FNBP1: variants seen among roughly 807,000 people sequenced by gnomAD.
FNBP1 encodes formin-binding protein 1.
Under a neutral mutation model 90.6 loss-of-function variants are expected in FNBP1, and 26 were observed. That is an observed-to-expected ratio of 0.29 (90% confidence interval 0.21 to 0.40). The LOEUF (loss-of-function observed/expected upper bound fraction) is 0.40. Ranked by LOEUF, FNBP1 falls within the 10% of genes least tolerant of loss-of-function variation. FNBP1 has a pLI of 1.00. For missense variants in FNBP1, 635 were observed against 768.0 expected (o/e 0.83, Z 2.05); for synonymous variants, 260 against 265.2 (o/e 0.98, Z 0.19).
At chr9:130,053,682 T>C in the FNBP1 span, 1 of 548,152 alleles carries the variant, frequency 1.8e-6, no homozygotes, top group Non-Finnish European at 3.2e-6. Context: ...TCGGCCACCG[T>C]TGTTATGGCA....
At chr9:129,951,209 G>A (rs974031719) in intron 6 of FNBP1, among the ~76,000 whole-genome samples, 3 of 151,580 alleles carry the variant, frequency 2.0e-5, no homozygotes, top group Non-Finnish European at 2.9e-5. Flanking sequence ...CACCTGCCTC[G>A]GCCTCCCATA....
At chr9:129,997,808 T>G (rs2054227000) in intron 1 of FNBP1, among the ~76,000 whole-genome samples, 1 of 152,096 alleles carries the variant, frequency 6.6e-6, no homozygotes, top group African/African-American at 2.4e-5. Context: ...ATGATCAGGC[T>G]ACTGCACTCC....
At chr9:129,921,970 G>A (rs2041182895) in intron 10 of FNBP1, among the ~76,000 whole-genome samples, 1 of 152,092 alleles carries the variant, frequency 6.6e-6, no homozygotes, top group Non-Finnish European at 1.5e-5. Context: ...CAGTTGACTG[G>A]AGAGTCCAGG....
At chr9:129,921,433 G>A (rs374898734) in intron 10 of FNBP1, among the ~76,000 whole-genome samples, 3 of 150,038 alleles carry the variant, frequency 2.0e-5, no homozygotes, top group Admixed American at 6.7e-5. Context: ...TTGCTCTGTC[G>A]TCCAGGCTGG....
rs764635171 is a variant in FNBP1, at chr9:129,900,044, G to A, written c.1608C>T (p.Ala536=). Residue 536 remains alanine (A), a synonymous_variant, in exon 15 of 17, where the codon GCC becomes GCT. Coordinates refer to ENST00000446176, the MANE Select transcript of FNBP1 (RefSeq NM_015033.3). The surrounding 1 kb of genome is among the most constrained non-coding windows in gnomAD (Gnocchi z 4.1). The part of the protein sequence containing the change: ...QSQESEMKVL[A]TDFDDEFDDE... ...CATCAAACTCGTCGTCAAAATCCGT[G>A]GCCAGCACCTTCATCTCACTCTCCT... is the stretch of plus-strand genomic sequence containing the variant. 1.9e-6 allele frequency: 3 copies of A among 1,613,344 alleles called. No individual in the cohort carries two copies. Among genetic ancestry groups the A allele is most frequent in the South Asian group, 1.1e-5 (1 of 91,030 alleles).
At chr9:129,949,684 A>C (rs921042796) in intron 6 of FNBP1, among the ~76,000 whole-genome samples, 1 of 151,986 alleles carries the variant, frequency 6.6e-6, no homozygotes, top group African/African-American at 2.4e-5. Flanking sequence ...AACATAGCAA[A>C]ACCTCGATCA....
chr9:129,988,832 G>A (rs2131159677), intron 2 of FNBP1, among the ~76,000 whole-genome samples: 2 of 152,214 alleles, frequency 1.3e-5, no homozygotes, highest in South Asian at 4.1e-4. Context: ...GGATGGATTT[G>A]GCCCATGCTA....
chr9:129,943,384 CTTTTTTTTT>C (rs11415197), intron 6 of FNBP1, among the ~76,000 whole-genome samples: 3 of 102,664 alleles, frequency 2.9e-5, no homozygotes, highest in Non-Finnish European at 5.4e-5. Context: ...TCATTAATTG[CTTTTTTTTT>C]TTTTTTTTTT....
chr9:129,917,019 CTT>C (rs905032993), intron 10 of FNBP1, among the ~76,000 whole-genome samples: 2 of 145,118 alleles, frequency 1.4e-5, no homozygotes, highest in Non-Finnish European at 1.5e-5. Context: ...TGTGACTGCT[CTT>C]TTTTTTTTTG....
In FNBP1 at chr9:129,949,689, C is replaced by T. The variant is rs184596567; in HGVS notation, c.513+7671G>A. Among the ~76,000 whole-genome samples the T allele has an allele frequency of 7.9e-4, 119 of 150,226 alleles. 1 individual carries two copies. The highest frequency in any genetic ancestry group is 6.7e-3 in the South Asian group (32 of 4,774). ...CTGCCTGGGCAACATAGCAAAACCT[C>T]GATCACCACAAAAAGTAAAAACAAA... On this transcript the variant is annotated intron_variant, in intron 6 of 16. Coordinates refer to ENST00000446176, the MANE Select transcript of FNBP1 (RefSeq NM_015033.3).
At chr9:129,942,597 T>C (rs988790139) in intron 6 of FNBP1, among the ~76,000 whole-genome samples, 2 of 152,158 alleles carry the variant, frequency 1.3e-5, no homozygotes, top group Non-Finnish European at 2.9e-5. Context: ...GCAAGAACAC[T>C]GAACTTGAGG....
intron 1 of FNBP1, among the ~76,000 whole-genome samples, chr9:130,037,343 A>T (rs947532539): frequency 6.6e-6 from 1 of 152,012 alleles, no homozygotes; most frequent in African/African-American, 2.4e-5. Context: ...GACTGAGCAA[A>T]ACTCCATCTC....
chr9:129,945,853 T>C (rs1362810522), intron 6 of FNBP1, among the ~76,000 whole-genome samples: 3 of 152,194 alleles, frequency 2.0e-5, no homozygotes, highest in Non-Finnish European at 4.4e-5. Flanking sequence ...AATATTCTAT[T>C]ATAGAATATA....
intron 4 of FNBP1, among the ~76,000 whole-genome samples, chr9:129,962,113 T>C (rs746065071): frequency 1.3e-5 from 2 of 152,120 alleles, no homozygotes; most frequent in Non-Finnish European, 2.9e-5. Flanking sequence ...ATGATACAGG[T>C]TGGCTGGGTC....
intron 2 of FNBP1, among the ~76,000 whole-genome samples, chr9:129,993,224 C>A (rs370357660): frequency 4.0e-3 from 522 of 129,874 alleles, no homozygotes; most frequent in Middle Eastern, 7.9e-3. Context: ...GAGACTGTCT[C>A]AAAAAAAAAA....
chr9:130,026,345 T>C (rs2058337484), intron 1 of FNBP1, among the ~76,000 whole-genome samples: 1 of 151,702 alleles, frequency 6.6e-6, no homozygotes, highest in Admixed American at 6.6e-5. Flanking sequence ...AATACCAAAA[T>C]TAGCCAGGCA....
intron 8 of FNBP1, 113 bp downstream of exon 8, chr9:129,927,082 C>A (rs1356948686): frequency 9.1e-7 from 1 of 1,099,290 alleles, no homozygotes; most frequent in African/African-American, 1.6e-5. Flanking sequence ...TGTGTGACCA[C>A]CAAAAGCAAC....
intron 1 of FNBP1, among the ~76,000 whole-genome samples, chr9:130,026,151 A>G (rs1466063227): frequency 2.0e-5 from 3 of 152,156 alleles, no homozygotes; most frequent in African/African-American, 7.2e-5. Context: ...CTCCAGATCC[A>G]CACTCTTGAA....
intron 1 of FNBP1, among the ~76,000 whole-genome samples, chr9:130,008,635 G>A (rs2056139518): frequency 6.6e-6 from 1 of 152,126 alleles, no homozygotes; most frequent in South Asian, 2.1e-4. Flanking sequence ...TCAGTGTCTG[G>A]CTTCAACCTG....
Sources: gnomAD v4.1 joint callset for allele counts (sites outside exome capture counted in the v4.1 genomes callset) on GRCh38, gnomAD v4.1.1 for gene constraint, Gnocchi (gnomAD v3.1) non-coding constraint, MANE v1.5 for transcripts, NCBI Gene and HGNC (gene_info 2026-07-23, HGNC 2026-07-21) for gene names.